CREBBP: variants seen among roughly 807,000 people sequenced by gnomAD.
CREBBP encodes the protein CREB binding lysine acetyltransferase.
In CREBBP, 19 loss-of-function variants were observed where a neutral mutation model predicts 265.0. The observed-to-expected ratio is 0.07, with a 90% CI of 0.05 to 0.11. The LOEUF (loss-of-function observed/expected upper bound fraction) is 0.11, where lower values mean the gene tolerates loss of function less well. CREBBP is among the 10% of genes least tolerant of loss of function. CREBBP has a pLI of 1.00. For synonymous variants in CREBBP, 1,457 were observed against 1,223.7 expected (o/e 1.19, Z -3.98); for missense variants, 2,525 against 3,219.0 (o/e 0.78, Z 5.22).
chr16:3,754,492 G>T (rs2052544223), intron 19 of CREBBP, among the ~76,000 whole-genome samples: 1 of 152,008 alleles, frequency 6.6e-6, no homozygotes, highest in Non-Finnish European at 1.5e-5. Context: ...AATTGCAAAG[G>T]AGAAATACTT....
intron 30 of CREBBP, 23 bp from the exon 31 acceptor site, chr16:3,729,897 G>C: frequency 6.3e-7 from 1 of 1,599,276 alleles, no homozygotes; most frequent in Non-Finnish European, 8.5e-7. Flanking sequence ...AAAGGGGACA[G>C]GCCGGTGTCA....
chr16:3,773,664 C>T, intron 13 of CREBBP, 87 bp downstream of exon 13: 1 of 1,396,084 alleles, frequency 7.2e-7, no homozygotes, highest in Non-Finnish European at 9.8e-7. Context: ...ATTTTAATTT[C>T]CACGAAGGAA....
chr16:3,806,572 G>A (rs1282048567), intron 3 of CREBBP, among the ~76,000 whole-genome samples: 1 of 152,020 alleles, frequency 6.6e-6, no homozygotes, highest in Non-Finnish European at 1.5e-5. Flanking sequence ...AGTCTAAGAC[G>A]TATCCCACTT....
intron 18 of CREBBP, 134 bp downstream of exon 18, chr16:3,757,675 C>T: frequency 7.7e-7 from 1 of 1,300,596 alleles, no homozygotes; most frequent in East Asian, 2.5e-5. Flanking sequence ...TCGCTTCAGG[C>T]ATCAACTGTG....
At position 3,773,878 on chromosome 16, in the gene CREBBP, T is replaced by C; in HGVS notation, c.2336A>G (p.His779Arg). The C allele has an allele frequency of 6.2e-7, 1 of 1,612,262 alleles. No individual in the cohort carries two copies. Among genetic ancestry groups the C allele is most frequent in the Non-Finnish European group, 8.5e-7 (1 of 1,180,016 alleles). The stretch of plus-strand genomic sequence containing the variant: ...CGCCTGGGCCATCATGTTGTTGGTG[T>C]GTGCACCCATCATGTTCGGAGGCTG... Reference protein sequence around the residue: ...MPQPPNMMGAHTNNMMAQAPA... With the variant: ...MPQPPNMMGARTNNMMAQAPA... Residue 779 changes from histidine to arginine, a missense_variant, in exon 13 of 31, where the codon CAC (histidine) becomes CGC (arginine). This residue lies in a region of CREBBP where 548 missense variants were observed against 533.0 expected (regional missense o/e 1.03). Transcript: ENST00000262367.
chr16:3,729,906 C>A (rs1194482966), intron 30 of CREBBP, 32 bp from the exon 31 acceptor site: 2 of 1,597,556 alleles, frequency 1.3e-6, no homozygotes, highest in East Asian at 2.2e-5. Context: ...AGGCCGGTGT[C>A]AGCATGGGAC....
intron 2 of CREBBP, among the ~76,000 whole-genome samples, chr16:3,811,878 T>G (rs1012220721): frequency 1.1e-4 from 17 of 152,110 alleles, no homozygotes; most frequent in African/African-American, 4.1e-4. Context: ...AACATGAAAT[T>G]TGTGTTAAGC....
At position 3,810,673 on chromosome 16, in the gene CREBBP, C is replaced by T. The variant is rs200154055; in HGVS notation, c.905G>A (p.Ser302Asn). The T allele has an allele frequency of 3.7e-4, 595 of 1,613,796 alleles. No individual in the cohort carries two copies. The highest frequency in any genetic ancestry group is 4.9e-4 in the Non-Finnish European group (573 of 1,180,004). ...GAAGGTGGGCAAACTGTTGACCATG[C>T]TCTGTTTGCTGGCTAACTGGGGGTT... ...GVNPQLASKQ[S>N]MVNSLPTFPT... The change falls in exon 3 of 31, where the codon AGC becomes AAC. Residue 302 changes from serine (S) to asparagine (N), a missense_variant. By Grantham distance (46) the Ser-to-Asn change is conservative. This residue lies in a region of CREBBP where 126 missense variants were observed against 171.9 expected (regional missense o/e 0.73). Coordinates refer to ENST00000262367, the MANE Select transcript of CREBBP (RefSeq NM_004380.3).
Position 3,728,528 on chromosome 16 carries a change from G to A in CREBBP, c.6519C>T (p.Ile2173=), listed in dbSNP as rs572471926. 1.9e-6 allele frequency: 3 copies of A among 1,614,070 alleles called. No individual in the cohort carries two copies. Among genetic ancestry groups the A allele is most frequent in the Non-Finnish European group, 1.7e-6 (2 of 1,180,016 alleles). The change falls in exon 31 of 31, where the codon ATC becomes ATT. Residue 2173 remains isoleucine (I), a synonymous_variant. Coordinates refer to ENST00000262367, the MANE Select transcript of CREBBP (RefSeq NM_004380.3). The surrounding 1 kb of genome is among the most constrained non-coding windows in gnomAD (Gnocchi z 8.7). ...GLNPQGQALN[I]MNPGHNPNMA... is the part of the protein sequence containing the mutation. Reference sequence around the variant, plus strand: ...TGTTGGGGTTGTGTCCTGGGTTCATGATGTTCAAGGCCTGGCCCTGGGGGT... The same window carrying A: ...TGTTGGGGTTGTGTCCTGGGTTCATAATGTTCAAGGCCTGGCCCTGGGGGT...
At chr16:3,768,136 GTTTTTTT>G (rs71133655) in intron 15 of CREBBP, among the ~76,000 whole-genome samples, 14 of 51,606 alleles carry the variant, frequency 2.7e-4, no homozygotes, top group South Asian at 2.0e-3. Context: ...ATTTAAAAGT[GTTTTTTT>G]TTTTTTTTTT....
chr16:3,835,940 C>T (rs562516171), intron 2 of CREBBP, among the ~76,000 whole-genome samples: 7 of 151,884 alleles, frequency 4.6e-5, no homozygotes, highest in Non-Finnish European at 8.8e-5. Flanking sequence ...AATGGGAGAA[C>T]GGACAAGCAA....
intron 19 of CREBBP, 98 bp from the exon 20 acceptor site, chr16:3,751,904 G>T: frequency 8.8e-7 from 1 of 1,132,110 alleles, no homozygotes; most frequent in South Asian, 1.3e-5. Flanking sequence ...AGAGCACCAC[G>T]ACGAAGGGGG....
intron 2 of CREBBP, among the ~76,000 whole-genome samples, chr16:3,826,219 C>T (rs977228192): frequency 3.9e-5 from 6 of 152,052 alleles, no homozygotes; most frequent in South Asian, 2.1e-4. Flanking sequence ...TCTCGGCGGG[C>T]GGGGAGCAAG....
chr16:3,853,961 A>ACAC (rs1567366177), intron 1 of CREBBP, among the ~76,000 whole-genome samples: 122 of 145,224 alleles, frequency 8.4e-4, no homozygotes, highest in African/African-American at 3.3e-3. Flanking sequence ...CAAACAAACA[A>ACAC]ACACACACAC....
At position 3,731,175 on chromosome 16, in the gene CREBBP, G is replaced by T. The variant is rs1465052552; in HGVS notation, c.5172+17C>A. The T allele has an allele frequency of 6.2e-7, 1 of 1,605,324 alleles. No individual in the cohort carries two copies. The highest frequency in any genetic ancestry group is 8.5e-7 in the Non-Finnish European group (1 of 1,174,494). On this transcript the variant is annotated intron_variant, in intron 30 of 30. Coordinates refer to ENST00000262367, the MANE Select transcript of CREBBP (RefSeq NM_004380.3). This position sits in a 1 kb window ranked among gnomAD's most constrained non-coding sequence, Gnocchi z 7.7. ...CCCCAGGCCGGCTGTGGGGGTGGGGGTGGGGGCAGGGCCTACCTCGCACAC... is the reference window on the plus strand; with the variant it reads ...CCCCAGGCCGGCTGTGGGGGTGGGGTTGGGGGCAGGGCCTACCTCGCACAC...
chr16:3,740,303 G>T, intron 24 of CREBBP, 96 bp downstream of exon 24: 1 of 1,482,452 alleles, frequency 6.7e-7, no homozygotes. Context: ...AGTCTTGGAA[G>T]GATGACCTCA....
chr16:3,852,075 A>AAAG (rs2054856984), intron 1 of CREBBP, among the ~76,000 whole-genome samples: 1 of 124,954 alleles, frequency 8.0e-6, no homozygotes, highest in Non-Finnish European at 1.7e-5. Flanking sequence ...AAAAAAAAAA[A>AAAG]GAATGTATGT....
At chr16:3,736,407 T>G (rs1244744555) in intron 27 of CREBBP, 2 of 745,458 alleles carry the variant, frequency 2.7e-6, no homozygotes, top group Non-Finnish European at 4.5e-6. Flanking sequence ...GCAACAGTGA[T>G]GCACAGGCCC....
In CREBBP at chr16:3,771,004, A is replaced by G. The variant is rs780232300; in HGVS notation, c.2464-18T>C. The G allele has an allele frequency of 1.9e-6, 3 of 1,611,834 alleles. No homozygotes were observed. The African/African-American group carries it at 4.0e-5, about 22-fold the overall frequency. ...ACCTGTCCCTACCAGAAATGGACAG[A>G]GTATGGTAAAATTATTTCCCCCGTT... On this transcript the variant is annotated intron_variant, in intron 13 of 30. Transcript: ENST00000262367.
Sources: gnomAD v4.1 joint callset for allele counts (sites outside exome capture counted in the v4.1 genomes callset) on GRCh38, gnomAD v4.1.1 for gene constraint, gnomAD v4.1.1 regional missense constraint, Gnocchi (gnomAD v3.1) non-coding constraint, MANE v1.5 for transcripts, NCBI Gene and HGNC (gene_info 2026-07-23, HGNC 2026-07-21) for gene names.